POU3F1: variants seen among roughly 807,000 people sequenced by gnomAD.
POU3F1 encodes the protein POU domain, class 3, transcription factor 1.
A neutral mutation model predicts 7.6 loss-of-function variants in POU3F1; 1 was observed. The ratio of observed to expected loss-of-function variants is 0.13; its 90% CI spans 0.05 to 0.62. POU3F1 has a LOEUF of 0.62. Among genes scored for constraint, POU3F1 ranks in the 20% least tolerant of loss-of-function variants. The pLI is 0.87. For missense variants in POU3F1, 505 were observed against 679.3 expected, an observed-to-expected ratio of 0.74 and a Z score of 2.85; for synonymous variants, 354 against 339.0, an observed-to-expected ratio of 1.04 and a Z score of -0.49.
Position 38,046,215 on chromosome 1 carries a change from C to G in POU3F1, c.529G>C (p.Ala177Pro). 1 of 1,084,086 alleles carries G rather than the reference C, an allele frequency of 9.2e-7. No individual in the cohort carries two copies. The highest frequency in any genetic ancestry group is 1.7e-5 in the African/African-American group (1 of 59,066). 67.2% of individuals were successfully genotyped at this position (1,084,086 alleles called of 1,614,324 possible). Reference protein sequence around the residue: ...GGGGGLAGMLAAGGGGAGPGL... With the variant: ...GGGGGLAGMLPAGGGGAGPGL... ...GGCCCCGCGCCGCCACCGCCCGCCG[C>G]CAGCATCCCGGCCAGGCCGCCGCCG... The change falls in exon 1 of 1, where the codon GCG becomes CCG. Residue 177 changes from alanine to proline, a missense_variant. Around this residue, in one of 5 missense-constraint regions of POU3F1, gnomAD observed 361 missense variants for 382.1 expected, o/e 0.94. Transcript: ENST00000373012. The surrounding 1 kb of genome is among the most constrained non-coding windows in gnomAD (Gnocchi z 9.5).
chr1:38,046,414 T>TCCGCCG lies in POU3F1; in HGVS notation c.324_329dup (p.Gly110_Gly111dup), dbSNP rs762802621. The TCCGCCG allele has an allele frequency of 1.6e-6, 2 of 1,277,312 alleles. No homozygotes were observed. The highest frequency in any genetic ancestry group is 4.5e-5 in the South Asian group (2 of 44,216). 79.1% of individuals were successfully genotyped at this position (1,277,312 alleles called of 1,614,324 possible). The stretch of plus-strand genomic sequence containing the variant: ...GGTGCACCAGGCGCGCGTGGAAACC[T>TCCGCCG]CCGCCGCCGCCGCCGTCGTCGGCTC... On this transcript the variant is annotated inframe_insertion, in exon 1 of 1. Transcript: ENST00000373012. The surrounding 1 kb of genome is among the most constrained non-coding windows in gnomAD (Gnocchi z 9.5).
At position 38,046,640 on chromosome 1, in the gene POU3F1, G is replaced by C. The variant is rs1208503349; in HGVS notation, c.104C>G (p.Ala35Gly). ...PDAAAAAAAA[A>G]AAERLHAGAA... is the part of the protein sequence containing the mutation. ...CCCTGCATGCAATCGCTCCGCGGCC[G>C]CCGCCGCCGCCGCCGCCGCCGCGGC... Residue 35 changes from alanine (A) to glycine (G), a missense_variant, in exon 1 of 1, where the codon GCG (alanine) becomes GGG (glycine). Ala to Gly is a moderately conservative substitution (Grantham distance 60). This residue lies in a region of POU3F1 where 361 missense variants were observed against 382.1 expected (regional missense o/e 0.94). Coordinates refer to ENST00000373012, the MANE Select transcript of POU3F1 (RefSeq NM_002699.4). The surrounding 1 kb of genome is among the most constrained non-coding windows in gnomAD (Gnocchi z 9.5). The C allele has an allele frequency of 7.8e-7, 1 of 1,283,562 alleles. No individual in the cohort carries two copies. 79.5% of individuals were successfully genotyped at this position (1,283,562 alleles called of 1,614,324 possible).
Position 38,046,051 on chromosome 1 carries a change from G to T in POU3F1, c.693C>A (p.His231Gln). The T allele has an allele frequency of 1.3e-6, 2 of 1,522,022 alleles. No homozygotes were observed. Among genetic ancestry groups the T allele is most frequent in the Non-Finnish European group, 1.8e-6 (2 of 1,141,730 alleles). 94.3% of individuals were successfully genotyped at this position (1,522,022 alleles called of 1,614,324 possible). ...ATGAGCCGCCGCCGCCCGCGCCCGGGTGCAGGTGCGCCGCCGCCGCGTGCA... is the reference window on the plus strand; with the variant it reads ...ATGAGCCGCCGCCGCCCGCGCCCGGTTGCAGGTGCGCCGCCGCCGCGTGCA... The part of the protein sequence containing the change: ...GGLHAAAAHL[H>Q]PGAGGGGSSV... Residue 231 changes from histidine to glutamine, a missense_variant, in exon 1 of 1, where the codon CAC (histidine) becomes CAA (glutamine). His to Gln is a conservative substitution (Grantham distance 24). Transcript: ENST00000373012. This position sits in a 1 kb window ranked among gnomAD's most constrained non-coding sequence, Gnocchi z 9.5.
At position 38,045,739 on chromosome 1, in the gene POU3F1, C is replaced by A. The variant is rs781035484; in HGVS notation, c.1005G>T (p.Ala335=). Residue 335 remains alanine, a synonymous_variant, in exon 1 of 1, where the codon GCG becomes GCT. Coordinates refer to ENST00000373012, the MANE Select transcript of POU3F1 (RefSeq NM_002699.4). The surrounding 1 kb of genome is among the most constrained non-coding windows in gnomAD (Gnocchi z 9.4). ...GSPTNLDKIA[A]QGRKRKKRTS... is the part of the protein sequence containing the mutation. The stretch of plus-strand genomic sequence containing the variant: ...TGCGCTTCTTGCGCTTGCGGCCCTG[C>A]GCCGCGATCTTGTCCAGGTTGGTGG... 1.9e-6 allele frequency: 3 copies of A among 1,613,412 alleles called. No homozygotes were observed. Among genetic ancestry groups the A allele is most frequent in the Non-Finnish European group, 1.7e-6 (2 of 1,179,782 alleles).
Position 38,045,765 on chromosome 1 carries a change from G to A in POU3F1, c.979C>T (p.Pro327Ser), listed in dbSNP as rs774257714. 25 of 1,613,542 alleles carry A rather than the reference G, an allele frequency of 1.5e-5. 1 individual carries two copies. In the South Asian group the frequency reaches 2.7e-4, roughly 18 times the overall value. ...GCCGCGATCTTGTCCAGGTTGGTGG[G>A]GCTGCCGCTGGACGAGTCGGTCTCC... is the stretch of plus-strand genomic sequence containing the variant. ...LEETDSSSGS[P>S]TNLDKIAAQG... The change falls in exon 1 of 1, where the codon CCC (proline) becomes TCC (serine). Residue 327 changes from proline to serine, a missense_variant. Around this residue, in one of 5 missense-constraint regions of POU3F1, gnomAD observed 22 missense variants for 23.0 expected, o/e 0.96. Transcript: ENST00000373012. This position sits in a 1 kb window ranked among gnomAD's most constrained non-coding sequence, Gnocchi z 9.4.
In POU3F1 at chr1:38,045,271, T is replaced by C. The variant is rs1021875439; in HGVS notation, c.*117A>G. The C allele has an allele frequency of 5.9e-6, 2 of 339,060 alleles. No homozygotes were observed. Among genetic ancestry groups the C allele is most frequent in the East Asian group, 1.8e-4 (1 of 5,454 alleles). The allele number at this position is 339,060 out of a possible 1,614,324, so 21.0% of individuals were successfully genotyped here. On this transcript the variant is annotated 3_prime_UTR_variant, in exon 1 of 1. Transcript: ENST00000373012. The surrounding 1 kb of genome is among the most constrained non-coding windows in gnomAD (Gnocchi z 9.4). ...GTGTTTGGTTTTGTTCGAAAGTTTCTGGGCTTTTTTTTTTTTTTGTAAAAT... is the reference window on the plus strand; with the variant it reads ...GTGTTTGGTTTTGTTCGAAAGTTTCCGGGCTTTTTTTTTTTTTTGTAAAAT...
rs1450976676 is a variant in POU3F1 at position 38,045,421 on chromosome 1, G to A, written c.1323C>T (p.His441=). ...CTGAGCCGGGCAGTGTGTGGTGGTGGTGGTGGTGCAGCGCCGCCGGCGGGG... is the reference window on the plus strand; with the variant it reads ...CTGAGCCGGGCAGTGTGTGGTGGTGATGGTGGTGCAGCGCCGCCGGCGGGG... The part of the protein sequence containing the change: ...PPPPPAALHH[H]HHHTLPGSVQ The change falls in exon 1 of 1, where the codon CAC becomes CAT. Residue 441 remains histidine (H), a synonymous_variant. Coordinates refer to ENST00000373012, the MANE Select transcript of POU3F1 (RefSeq NM_002699.4). This position sits in a 1 kb window ranked among gnomAD's most constrained non-coding sequence, Gnocchi z 9.4. 1 of 1,434,704 alleles carries A rather than the reference G, an allele frequency of 7.0e-7. No individual in the cohort carries two copies. The highest frequency in any genetic ancestry group is 2.9e-5 in the Admixed American group (1 of 34,138). The allele number at this position is 1,434,704 out of a possible 1,614,324, so 88.9% of individuals were successfully genotyped here.
In POU3F1 at chr1:38,046,696, G is replaced by A; in HGVS notation, c.48C>T (p.Ala16=). The change falls in exon 1 of 1, where the codon GCC becomes GCT. Residue 16 remains alanine, a synonymous_variant. Coordinates refer to ENST00000373012, the MANE Select transcript of POU3F1 (RefSeq NM_002699.4). This position sits in a 1 kb window ranked among gnomAD's most constrained non-coding sequence, Gnocchi z 9.5. Reference sequence around the variant, plus strand: ...GGTGCATAAGCGGCCCGGTGCCCCCGGCTCCGCCACCGGGGCCCCGCGGCA... The same window carrying A: ...GGTGCATAAGCGGCCCGGTGCCCCCAGCTCCGCCACCGGGGCCCCGCGGCA... ...QYLPRGPGGG[A]GGTGPLMHPD... 4 of 1,184,990 alleles carry A rather than the reference G, an allele frequency of 3.4e-6. No homozygotes were observed. Among genetic ancestry groups the A allele is most frequent in the African/African-American group, 1.7e-5 (1 of 60,212 alleles). The allele number at this position is 1,184,990 out of a possible 1,614,324, so 73.4% of individuals were successfully genotyped here.
rs1031018589 is a variant in POU3F1, at chr1:38,045,187, G to A, written c.*201C>T. 7 of 171,844 alleles carry A rather than the reference G, an allele frequency of 4.1e-5. No individual in the cohort carries two copies. Among genetic ancestry groups the A allele is most frequent in the African/African-American group, 1.7e-4 (7 of 41,800 alleles). 10.6% of individuals were successfully genotyped at this position (171,844 alleles called of 1,614,324 possible). On this transcript the variant is annotated 3_prime_UTR_variant, in exon 1 of 1. Coordinates refer to ENST00000373012, the MANE Select transcript of POU3F1 (RefSeq NM_002699.4). The surrounding 1 kb of genome is among the most constrained non-coding windows in gnomAD (Gnocchi z 9.4). ...CCGGATCTTCGCTCCTCTCTCCCGGGGCTCGGGCGACGCAGCCTACCGGGC... is the reference window on the plus strand; with the variant it reads ...CCGGATCTTCGCTCCTCTCTCCCGGAGCTCGGGCGACGCAGCCTACCGGGC...
Position 38,043,859 on chromosome 1 carries a change from A to G in POU3F1, c.*1529T>C, listed in dbSNP as rs1206631170. On this transcript the variant is annotated 3_prime_UTR_variant, in exon 1 of 1. Coordinates refer to ENST00000373012, the MANE Select transcript of POU3F1 (RefSeq NM_002699.4). This position sits in a 1 kb window ranked among gnomAD's most constrained non-coding sequence, Gnocchi z 4.5. ...TACATGTTTATGTGAGTAATAAAAT[A>G]TTTACTATAACATAAATATAAAGGG... 6.6e-6 allele frequency among the ~76,000 whole-genome samples: 1 copy of G among 152,156 alleles called. No individual in the cohort carries two copies. Among genetic ancestry groups the G allele is most frequent in the African/African-American group, 2.4e-5 (1 of 41,422 alleles).
Position 38,045,535 on chromosome 1 carries a change from C to A in POU3F1, c.1209G>T (p.Ala403=). 1.9e-6 allele frequency: 3 copies of A among 1,596,552 alleles called. No homozygotes were observed. The highest frequency in any genetic ancestry group is 1.7e-6 in the Non-Finnish European group (2 of 1,171,950). ...KEKRMTPAAG[A]GHPPMDDVYA... Reference sequence around the variant, plus strand: ...ATACATCGTCCATGGGCGGGTGGCCCGCGCCGGCCGCAGGGGTCATGCGCT... The same window carrying A: ...ATACATCGTCCATGGGCGGGTGGCCAGCGCCGGCCGCAGGGGTCATGCGCT... Residue 403 remains alanine, a synonymous_variant, in exon 1 of 1, where the codon GCG becomes GCT. Coordinates refer to ENST00000373012, the MANE Select transcript of POU3F1 (RefSeq NM_002699.4). The surrounding 1 kb of genome is among the most constrained non-coding windows in gnomAD (Gnocchi z 9.4).
Position 38,046,093 on chromosome 1 carries a change from ATGTCCGTGTGCG to A in POU3F1, c.639_650del (p.Gly216_His219del), listed in dbSNP as rs1183270154. ...CCGCGTGCAGGCCGCCCGCGTGTGC[ATGTCCGTGTGCG>A]TGTCCGTGGGCGCCCAGATGCGGCG... On this transcript the variant is annotated inframe_deletion, in exon 1 of 1. Transcript: ENST00000373012. The surrounding 1 kb of genome is among the most constrained non-coding windows in gnomAD (Gnocchi z 9.5). 81 of 1,320,864 alleles carry A rather than the reference ATGTCCGTGTGCG, an allele frequency of 6.1e-5. No individual in the cohort carries two copies. Among genetic ancestry groups the A allele is most frequent in the Non-Finnish European group, 2.2e-5 (23 of 1,029,336 alleles). 81.8% of individuals were successfully genotyped at this position (1,320,864 alleles called of 1,614,324 possible).
Position 38,046,486 on chromosome 1 carries a change from G to A in POU3F1, c.258C>T (p.Gly86=). The A allele has an allele frequency of 7.3e-7, 1 of 1,374,556 alleles. No individual in the cohort carries two copies. The highest frequency in any genetic ancestry group is 9.4e-7 in the Non-Finnish European group (1 of 1,063,276). The allele number at this position is 1,374,556 out of a possible 1,614,324, so 85.1% of individuals were successfully genotyped here. The change falls in exon 1 of 1, where the codon GGC becomes GGT. Residue 86 remains glycine, a synonymous_variant. Coordinates refer to ENST00000373012, the MANE Select transcript of POU3F1 (RefSeq NM_002699.4). The surrounding 1 kb of genome is among the most constrained non-coding windows in gnomAD (Gnocchi z 9.5). ...CCTTGCCGTGTTCTAGGTGCGGGCC[G>A]CCGGCCCAATCGCCGCCGCCGCCTC... The part of the protein sequence containing the change: ...TGGGGGGDWA[G]GPHLEHGKAG...
At position 38,045,069 on chromosome 1, in the gene POU3F1, C is replaced by G. The variant is rs1235008843; in HGVS notation, c.*319G>C. 1 of 152,728 alleles carries G rather than the reference C, an allele frequency of 6.5e-6. No homozygotes were observed. Among genetic ancestry groups the G allele is most frequent in the African/African-American group, 2.4e-5 (1 of 41,444 alleles). The allele number at this position is 152,728 out of a possible 1,614,324, so 9.5% of individuals were successfully genotyped here. ...GGAGGCCGCTGCCGGGATCCGGCCCCGAACAGCCCGGGGGGGCAGGGGCGG... is the reference window on the plus strand; with the variant it reads ...GGAGGCCGCTGCCGGGATCCGGCCCGGAACAGCCCGGGGGGGCAGGGGCGG... On this transcript the variant is annotated 3_prime_UTR_variant, in exon 1 of 1. Transcript: ENST00000373012. The surrounding 1 kb of genome is among the most constrained non-coding windows in gnomAD (Gnocchi z 9.4).
At position 38,046,177 on chromosome 1, in the gene POU3F1, G is replaced by A; in HGVS notation, c.567C>T (p.His189=). Residue 189 remains histidine (H), a synonymous_variant, in exon 1 of 1, where the codon CAC becomes CAT. Coordinates refer to ENST00000373012, the MANE Select transcript of POU3F1 (RefSeq NM_002699.4). The surrounding 1 kb of genome is among the most constrained non-coding windows in gnomAD (Gnocchi z 9.5). ...GGGGAGPGLH[H]ALHEDGHEAQ... The stretch of plus-strand genomic sequence containing the variant: ...CCTCGTGGCCATCCTCGTGCAGCGC[G>A]TGGTGCAGGCCCGGCCCCGCGCCGC... 1.5e-6 allele frequency: 2 copies of A among 1,337,876 alleles called. No homozygotes were observed. The highest frequency in any genetic ancestry group is 3.4e-5 in the Admixed American group (1 of 29,260). 82.9% of individuals were successfully genotyped at this position (1,337,876 alleles called of 1,614,324 possible).
In POU3F1 at chr1:38,045,333, G is replaced by T. The variant is rs865795161; in HGVS notation, c.*55C>A. On this transcript the variant is annotated 3_prime_UTR_variant, in exon 1 of 1. Coordinates refer to ENST00000373012, the MANE Select transcript of POU3F1 (RefSeq NM_002699.4). The surrounding 1 kb of genome is among the most constrained non-coding windows in gnomAD (Gnocchi z 9.4). Reference sequence around the variant, plus strand: ...GAACAAAAAGAGTCCAGGCCGCGCGGGCGGGCTGCGCGCCCGCGCCCTGCA... The same window carrying T: ...GAACAAAAAGAGTCCAGGCCGCGCGTGCGGGCTGCGCGCCCGCGCCCTGCA... The T allele has an allele frequency of 1.4e-6, 1 of 727,674 alleles. No homozygotes were observed. The highest frequency in any genetic ancestry group is 1.7e-6 in the Non-Finnish European group (1 of 571,630). The allele number at this position is 727,674 out of a possible 1,614,324, so 45.1% of individuals were successfully genotyped here.
Position 38,044,692 on chromosome 1 carries a change from T to C in POU3F1, c.*696A>G, listed in dbSNP as rs1422554261. 3 of 152,356 alleles carry C rather than the reference T, an allele frequency of 2.0e-5. No homozygotes were observed. The highest frequency in any genetic ancestry group is 4.8e-5 in the African/African-American group (2 of 41,358). The allele number at this position is 152,356 out of a possible 1,614,324, so 9.4% of individuals were successfully genotyped here. Reference sequence around the variant, plus strand: ...AGGCTAGATTAAAGCTTTGGCTATTTCCTGCTTTTATACACAGACGCGGCT... The same window carrying C: ...AGGCTAGATTAAAGCTTTGGCTATTCCCTGCTTTTATACACAGACGCGGCT... On this transcript the variant is annotated 3_prime_UTR_variant, in exon 1 of 1. Transcript: ENST00000373012.
chr1:38,046,400 C>A lies in POU3F1; in HGVS notation c.344G>T (p.Arg115Leu). 1 of 1,253,262 alleles carries A rather than the reference C, an allele frequency of 8.0e-7. No individual in the cohort carries two copies. The highest frequency in any genetic ancestry group is 1.0e-6 in the Non-Finnish European group (1 of 1,003,646). The allele number at this position is 1,253,262 out of a possible 1,614,324, so 77.6% of individuals were successfully genotyped here. The change falls in exon 1 of 1, where the codon CGC becomes CTC. Residue 115 changes from arginine to leucine, a missense_variant. By Grantham distance (102) the Arg-to-Leu change is moderately radical. This residue lies in a region of POU3F1 where 361 missense variants were observed against 382.1 expected (regional missense o/e 0.94). Transcript: ENST00000373012. The surrounding 1 kb of genome is among the most constrained non-coding windows in gnomAD (Gnocchi z 9.5). ...DGGGGGGFHA[R>L]LVHQGAAHAG... ...GTGGGCCGCCCCCTGGTGCACCAGGCGCGCGTGGAAACCTCCGCCGCCGCC... is the reference window on the plus strand; with the variant it reads ...GTGGGCCGCCCCCTGGTGCACCAGGAGCGCGTGGAAACCTCCGCCGCCGCC...
rs1181244506 is a variant in POU3F1, at chr1:38,046,564, C to T, written c.180G>A (p.Ala60=). 1.5e-6 allele frequency: 2 copies of T among 1,374,960 alleles called. No homozygotes were observed. The highest frequency in any genetic ancestry group is 9.4e-7 in the Non-Finnish European group (1 of 1,060,314). The allele number at this position is 1,374,960 out of a possible 1,614,324, so 85.2% of individuals were successfully genotyped here. A position where few individuals can be genotyped will look rare whatever the true frequency, so the allele number is the denominator to read the frequency against. ...QKLMHHEWLG[A]GAGHPVGLAH... ...CTAGGCCCACGGGGTGGCCCGCGCC[C>T]GCGCCCAGCCACTCGTGGTGCATCA... The change falls in exon 1 of 1, where the codon GCG becomes GCA. Residue 60 remains alanine (A), a synonymous_variant. Coordinates refer to ENST00000373012, the MANE Select transcript of POU3F1 (RefSeq NM_002699.4). This position sits in a 1 kb window ranked among gnomAD's most constrained non-coding sequence, Gnocchi z 9.5.
Sources: gnomAD v4.1 joint callset for allele counts (sites outside exome capture counted in the v4.1 genomes callset) on GRCh38, gnomAD v4.1.1 for gene constraint, gnomAD v4.1.1 regional missense constraint, Gnocchi (gnomAD v3.1) non-coding constraint, MANE v1.5 for transcripts, NCBI Gene and HGNC (gene_info 2026-07-23, HGNC 2026-07-21) for gene names.